Variants in VPS11 observed in about 807,000 individuals in gnomAD.
The protein encoded by VPS11 is VPS11 core subunit of CORVET and HOPS complexes.
A neutral mutation model predicts 106.8 loss-of-function variants in VPS11; 51 were observed. The observed-to-expected ratio is 0.48, with a 90% confidence interval of 0.38 to 0.60. VPS11 has a LOEUF of 0.60. Among genes scored for constraint, VPS11 ranks in the 20% least tolerant of loss-of-function variants. VPS11 has a pLI of 0.00. For synonymous variants in VPS11, 453 were observed against 458.7 expected, an observed-to-expected ratio of 0.99 and a Z score of 0.16; for missense variants, 950 against 1,190.0, an observed-to-expected ratio of 0.80 and a Z score of 2.97.
chr11:119,077,489 T>C lies in VPS11; in HGVS notation c.1426-12T>C. On this transcript the variant is annotated splice_polypyrimidine_tract_variant and intron_variant, in intron 8 of 15. Coordinates refer to ENST00000621676, the MANE Select transcript of VPS11 (RefSeq NM_021729.6). ...TCTGTGTAAATGATTTTGTCTCATG[T>C]CTCCCTGGCAGAAAAAGAGTGAGAG... The C allele has an allele frequency of 6.2e-7, 1 of 1,611,968 alleles. No individual in the cohort carries two copies. The highest frequency in any genetic ancestry group is 8.5e-7 in the Non-Finnish European group (1 of 1,178,812).
chr11:119,069,999 A>AAAATAAATAAATTAAAT (rs1555201875), intron 3 of VPS11, among the ~76,000 whole-genome samples: 2 of 141,708 alleles, frequency 1.4e-5, no homozygotes, highest in African/African-American at 5.3e-5. Flanking sequence ...ACTCTGTCTC[A>AAAATAAATAAATTAAAT]AAATAAATAA....
At chr11:119,078,390 C>T in intron 11 of VPS11, 56 bp downstream of exon 11, 1 of 1,592,944 alleles carries the variant, frequency 6.3e-7, no homozygotes, top group Non-Finnish European at 8.5e-7. Context: ...CTCCATTCTT[C>T]CGTCTTGGTG....
chr11:119,076,724 T>A (rs1945634513), intron 7 of VPS11, 173 bp from the exon 8 acceptor site: 3 of 747,482 alleles, frequency 4.0e-6, no homozygotes, highest in Admixed American at 4.9e-5. Flanking sequence ...TGGTCCACAG[T>A]CTAGTAGCAC....
intron 1 of VPS11, 100 bp from the exon 2 acceptor site, chr11:119,069,096 C>T: frequency 7.1e-7 from 1 of 1,399,004 alleles, no homozygotes; most frequent in Non-Finnish European, 9.5e-7. Flanking sequence ...TGGGAAAATC[C>T]TTGAAAATTT....
chr11:119,068,181 G>T (rs1432861046), intron 1 of VPS11, 171 bp downstream of exon 1: 2 of 717,698 alleles, frequency 2.8e-6, no homozygotes, highest in Non-Finnish European at 4.3e-6. Flanking sequence ...CTCCTAACTT[G>T]TTATCAACTG....
At chr11:119,076,688 G>T in intron 7 of VPS11, 1 of 540,324 alleles carries the variant, frequency 1.9e-6, no homozygotes, top group Non-Finnish European at 3.2e-6. Flanking sequence ...TTAAGAAGCA[G>T]TGCTCTGGAG....
chr11:119,070,174 C>T (rs1215141188), intron 3 of VPS11, 60 bp from the exon 4 acceptor site: 2 of 1,522,100 alleles, frequency 1.3e-6, no homozygotes, highest in Non-Finnish European at 1.8e-6. Flanking sequence ...GGTCTTTTTT[C>T]CCCTCTCCAC....
intron 7 of VPS11, among the ~76,000 whole-genome samples, chr11:119,074,305 T>C (rs1180044144): frequency 6.6e-6 from 1 of 152,106 alleles, no homozygotes; most frequent in Non-Finnish European, 1.5e-5. Context: ...AGGCTGGTCA[T>C]GAACTCCTGA....
In VPS11 at chr11:119,070,262, C is replaced by T. The variant is rs1178323401; in HGVS notation, c.501C>T (p.Asn167=). 2.5e-6 allele frequency: 4 copies of T among 1,612,322 alleles called. No homozygotes were observed. The highest frequency in any genetic ancestry group is 3.4e-6 in the Non-Finnish European group (4 of 1,179,000). ...IGFTDGSVTL[N]KGDITRDRHS... is the part of the protein sequence containing the mutation. ...TCACAGATGGCAGTGTTACATTGAA[C>T]AAAGGAGACATCACCCGGGACCGGC... Residue 167 remains asparagine (N), a synonymous_variant, in exon 4 of 16, where the codon AAC becomes AAT. Transcript: ENST00000621676.
At chr11:119,074,047 C>G (rs1592188063) in intron 7 of VPS11, 96 bp downstream of exon 7, 1 of 1,371,956 alleles carries the variant, frequency 7.3e-7, no homozygotes, top group East Asian at 2.4e-5. Flanking sequence ...GGCTAGAATT[C>G]TACCAGGAAC....
In VPS11 at chr11:119,077,626, G is replaced by A. The variant is rs1945677677; in HGVS notation, c.1551G>A (p.Lys517=). 6.2e-7 allele frequency: 1 copy of A among 1,605,930 alleles called. No individual in the cohort carries two copies. ...ATGCACATCATGAGTGGTACCTGAA[G>A]ATCCAGCTAGAAGACATTAAGGTAG... is the stretch of plus-strand genomic sequence containing the variant. ...ENHAHHEWYL[K]IQLEDIKNYQ... Residue 517 remains lysine, a synonymous_variant, in exon 9 of 16, where the codon AAG becomes AAA. Transcript: ENST00000621676.
Position 119,067,912 on chromosome 11 carries a change from G to T in VPS11, c.89G>T (p.Gly30Val), listed in dbSNP as rs1228584337. The T allele has an allele frequency of 1.2e-6, 2 of 1,607,862 alleles. No individual in the cohort carries two copies. Among genetic ancestry groups the T allele is most frequent in the Non-Finnish European group, 1.7e-6 (2 of 1,177,208 alleles). Residue 30 changes from glycine to valine, a missense_variant, in exon 1 of 16, where the codon GGG becomes GTG. By Grantham distance (109) the Gly-to-Val change is moderately radical. Transcript: ENST00000621676. ...EPLSNDGAAPGATPASGSAAS... is the reference protein window; with the variant it reads ...EPLSNDGAAPVATPASGSAAS... The stretch of plus-strand genomic sequence containing the variant: ...CTGAGCAATGATGGGGCCGCTCCCG[G>T]GGCCACACCTGCTTCTGGATCCGCT...
chr11:119,079,319 T>G lies in VPS11; in HGVS notation c.2438+19T>G. ...AGGCCAGGTACCCGGGGCATGGATA[T>G]GTGGAGGAGTCCAGGGGATAACTTG... On this transcript the variant is annotated intron_variant, in intron 14 of 15. Transcript: ENST00000621676. 6.4e-7 allele frequency: 1 copy of G among 1,569,072 alleles called. No homozygotes were observed.
Position 119,067,829 on chromosome 11 carries a change from G to A in VPS11, c.6G>A (p.Ala2=), listed in dbSNP as rs2133638823. ...GGTGGGAGCCCTGGGCCAAAATGGC[G>A]GCCTACCTGCAGTGGCGGCGCTTCG... The part of the protein sequence containing the change: M[A]AYLQWRRFVF... Residue 2 remains alanine, a synonymous_variant, in exon 1 of 16, where the codon GCG becomes GCA. Transcript: ENST00000621676. 22 of 1,542,676 alleles carry A rather than the reference G, an allele frequency of 1.4e-5. No homozygotes were observed. The highest frequency in any genetic ancestry group is 2.7e-5 in the African/African-American group (2 of 72,932).
chr11:119,077,094 T>A lies in VPS11; in HGVS notation c.1425+11T>A. 1 of 1,606,758 alleles carries A rather than the reference T, an allele frequency of 6.2e-7. No individual in the cohort carries two copies. The highest frequency in any genetic ancestry group is 2.2e-5 in the East Asian group (1 of 44,638). ...GAGGAGTTCATCAAGGTGCAGGATG[T>A]TGTTGGTGGGGAAGTCTTGGAGGCC... On this transcript the variant is annotated intron_variant, in intron 8 of 15. Transcript: ENST00000621676.
rs1945862279 is a variant in VPS11 at position 119,081,772 on chromosome 11, C to G, written c.*149C>G. On this transcript the variant is annotated 3_prime_UTR_variant, in exon 16 of 16. Coordinates refer to ENST00000621676, the MANE Select transcript of VPS11 (RefSeq NM_021729.6). ...AGCCCTCAGAACTAAAGCGGACTTT[C>G]TTTCCCTGCCTTCTTATTTAGTCAG... 1 of 1,047,478 alleles carries G rather than the reference C, an allele frequency of 9.5e-7. No individual in the cohort carries two copies. The highest frequency in any genetic ancestry group is 1.3e-6 in the Non-Finnish European group (1 of 741,874). The allele number at this position is 1,047,478 out of a possible 1,614,324, so 64.9% of individuals were successfully genotyped here. A position where few individuals can be genotyped will look rare whatever the true frequency, so the allele number is the denominator to read the frequency against.
At chr11:119,078,377 C>A in intron 11 of VPS11, 43 bp downstream of exon 11, 1 of 1,596,800 alleles carries the variant, frequency 6.3e-7, no homozygotes, top group South Asian at 1.1e-5. Context: ...CAGTTCGTGC[C>A]GTCTCCATTC....
chr11:119,077,476 A>C, intron 8 of VPS11, 25 bp from the exon 9 acceptor site: 1 of 1,609,940 alleles, frequency 6.2e-7, no homozygotes, highest in South Asian at 1.1e-5. Context: ...TGTGTAAATG[A>C]TTTTGTCTCA....
intron 1 of VPS11, 94 bp downstream of exon 1, chr11:119,068,104 G>A (rs1945192429): frequency 1.4e-6 from 2 of 1,392,304 alleles, no homozygotes; most frequent in South Asian, 1.5e-5. Flanking sequence ...CGTGCCGCGC[G>A]CCTCTTTGGT....
Sources: allele counts gnomAD v4.1 joint callset (sites outside exome capture counted in the v4.1 genomes callset), GRCh38; gene constraint gnomAD v4.1.1; transcripts MANE v1.5; gene names NCBI Gene and HGNC (gene_info 2026-07-23, HGNC 2026-07-21).